Variants in PNCK observed in about 807,000 individuals in gnomAD.
PNCK encodes the protein calcium/calmodulin-dependent protein kinase type 1B.
PNCK carries 21 observed loss-of-function variants against 28.3 expected under a neutral mutation model. The observed-to-expected ratio is 0.74, with a 90% CI of 0.53 to 1.07. The LOEUF is 1.07. PNCK is among the 50% of genes least tolerant of loss of function. The pLI, the probability that PNCK is intolerant of heterozygous loss-of-function variation, is 0.00. For missense variants in PNCK, 250 were observed against 298.3 expected (o/e 0.84, Z 1.19); for synonymous variants, 136 against 125.2 (o/e 1.09, Z -0.58).
At chrX:153,685,188 A>C (rs1557042989) in intron 1 of PNCK, among the ~76,000 whole-genome samples, 1 of 105,383 alleles carries the variant, frequency 9.5e-6, no homozygotes, top group Non-Finnish European at 2.0e-5. Context: ...TGGAGAGCCC[A>C]CCCTGCCCCT....
rs782418877 is a variant in PNCK, at chrX:153,673,121, C to G, written c.-2-43G>C. On this transcript the variant is annotated intron_variant, in intron 1 of 11. Transcript: ENST00000340888. ...AGGTGATGGGGGTCTCTCCCCGCCCCGCCGGGGGCAAGGGCAGCTTCCTCC... is the reference window on the plus strand; with the variant it reads ...AGGTGATGGGGGTCTCTCCCCGCCCGGCCGGGGGCAAGGGCAGCTTCCTCC... The G allele has an allele frequency of 1.2e-5, 14 of 1,167,339 alleles. No homozygotes were observed. In the African/African-American group the frequency reaches 2.3e-4, roughly 19 times the overall value.
upstream of PNCK, chrX:153,674,722 G>A (rs1282966884): frequency 1.8e-5 from 2 of 111,638 alleles, no homozygotes; most frequent in African/African-American, 6.5e-5. Flanking sequence ...AAATAAGTGC[G>A]GGTGACCGAA....
At chrX:153,686,092 GC>G (rs1191157616) in intron 1 of PNCK, among the ~76,000 whole-genome samples, 1 of 111,905 alleles carries the variant, frequency 8.9e-6, no homozygotes, top group Non-Finnish European at 1.9e-5. Context: ...ATTCTGGACA[GC>G]CCCCCACCCT....
chrX:153,673,124 C>T (rs1557040723), intron 1 of PNCK, 46 bp from the exon 2 acceptor site: 3 of 1,176,287 alleles, frequency 2.6e-6, no homozygotes, highest in South Asian at 1.9e-5. Context: ...CCCGCCCCGC[C>T]GGGGGCAAGG....
intron 6 of PNCK, 58 bp from the exon 7 acceptor site, chrX:153,671,418 G>C: frequency 1.7e-6 from 2 of 1,212,026 alleles, no homozygotes; most frequent in Non-Finnish European, 2.2e-6. Flanking sequence ...ATGCCGCTCA[G>C]TGTCACTGGC....
At chrX:153,671,779 A>C in intron 5 of PNCK, 101 bp downstream of exon 5, 44 of 1,168,890 alleles carry the variant, frequency 3.8e-5, no homozygotes, top group Non-Finnish European at 4.9e-5. Context: ...GCCTTGGTGG[A>C]GCAGGAGATC....
intron 1 of PNCK, among the ~76,000 whole-genome samples, chrX:153,683,585 G>T (rs1453512085): frequency 9.0e-6 from 1 of 111,058 alleles, no homozygotes; most frequent in African/African-American, 3.3e-5. Context: ...TAGAGACAGG[G>T]GTTTCACCAT....
chrX:153,673,036 ACG>A lies in PNCK; in HGVS notation c.39_40del (p.Val14LeufsTer53). The A allele has an allele frequency of 8.3e-7, 1 of 1,198,126 alleles. No homozygotes were observed. The highest frequency in any genetic ancestry group is 1.1e-6 in the Non-Finnish European group (1 of 887,170). On this transcript the variant is annotated frameshift_variant, in exon 2 of 12. Coordinates refer to ENST00000340888, the MANE Select transcript of PNCK (RefSeq NM_001366977.1). LOFTEE classifies it high-confidence loss of function. The stretch of plus-strand genomic sequence containing the variant: ...GCCGAGCCTCTCGCGGATCTCGTAG[ACG>A]CTGCTGATGTCCTCCGTGTGTTTCT...
intron 1 of PNCK, chrX:153,673,420 A>C (rs146747651): frequency 3.2e-6 from 2 of 625,978 alleles, no homozygotes; most frequent in Non-Finnish European, 4.6e-6. Flanking sequence ...CCACACATCT[A>C]CAGCGCCCAA....
At chrX:153,680,290 G>A (rs782172162) in intron 1 of PNCK, among the ~76,000 whole-genome samples, 13 of 105,830 alleles carry the variant, frequency 1.2e-4, no homozygotes, top group Non-Finnish European at 2.3e-4. Context: ...GCGTGGTGCC[G>A]TCCTCACAAT....
upstream of PNCK, among the ~76,000 whole-genome samples, chrX:153,676,550 A>T (rs2091367055): frequency 8.9e-6 from 1 of 111,868 alleles, no homozygotes; most frequent in Non-Finnish European, 1.9e-5. Flanking sequence ...GCAGAAAGTT[A>T]AAAAATGGCC....
upstream of PNCK, chrX:153,675,161 T>G (rs953307924): frequency 1.8e-5 from 2 of 112,530 alleles, no homozygotes; most frequent in African/African-American, 6.5e-5. Context: ...GAAGTGCAAT[T>G]TGTTTACAGA....
At position 153,671,570 on chromosome X, in the gene PNCK, A is replaced by G. The variant is rs2148335540; in HGVS notation, c.517T>C (p.Cys173Arg). 8 of 1,211,964 alleles carry G rather than the reference A, an allele frequency of 6.6e-6. No individual in the cohort carries two copies. Among genetic ancestry groups the G allele is most frequent in the Non-Finnish European group, 8.9e-6 (8 of 895,507 alleles). ...TCACCCACATATCCAGGGGTCCCACAGGCGGTGCCTAGCATGTTCCCAGCC... is the reference window on the plus strand; with the variant it reads ...TCACCCACATATCCAGGGGTCCCACGGGCGGTGCCTAGCATGTTCCCAGCC... ...IQAGNMLGTA[C>R]GTPGYVAPEL... The change falls in exon 6 of 12, where the codon TGT becomes CGT. Residue 173 changes from cysteine (C) to arginine (R), a missense_variant. Cys to Arg is a radical substitution (Grantham distance 180). Coordinates refer to ENST00000340888, the MANE Select transcript of PNCK (RefSeq NM_001366977.1).
In PNCK at chrX:153,671,340, T is replaced by C; in HGVS notation, c.559A>G (p.Lys187Glu). The change falls in exon 7 of 12, where the codon AAA becomes GAA. Residue 187 changes from lysine to glutamate, a missense_variant. Lys to Glu is a moderately conservative substitution (Grantham distance 56). Coordinates refer to ENST00000340888, the MANE Select transcript of PNCK (RefSeq NM_001366977.1). ...GYVAPELLEQKPYGKAVDVWA... is the reference protein window; with the variant it reads ...GYVAPELLEQEPYGKAVDVWA... ...ACATCTACGGCCTTCCCGTAGGGTTTCTGCTCCAAGAGCTCTGGGGCTGGG... is the reference window on the plus strand; with the variant it reads ...ACATCTACGGCCTTCCCGTAGGGTTCCTGCTCCAAGAGCTCTGGGGCTGGG... The C allele has an allele frequency of 8.3e-7, 1 of 1,211,909 alleles. No homozygotes were observed. Among genetic ancestry groups the C allele is most frequent in the Non-Finnish European group, 1.1e-6 (1 of 895,478 alleles).
chrX:153,671,559 AGG>A lies in PNCK; in HGVS notation c.526_527del (p.Pro176TrpfsTer43), dbSNP rs781811633. ...GGTGTCGTCCCTCACCCACATATCC[AGG>A]GGTCCCACAGGCGGTGCCTAGCATG... Reference protein sequence around the residue: ...GNMLGTACGTPGYVAPELLEQ... With the variant: ...GNMLGTACGTXGYVAPELLEQ... On this transcript the variant is annotated frameshift_variant, in exon 6 of 12. Coordinates refer to ENST00000340888, the MANE Select transcript of PNCK (RefSeq NM_001366977.1). LOFTEE classifies it high-confidence loss of function. 8.3e-7 allele frequency: 1 copy of A among 1,211,777 alleles called. No individual in the cohort carries two copies. The highest frequency in any genetic ancestry group is 2.2e-5 in the Admixed American group (1 of 46,077).
At chrX:153,681,887 G>A (rs188231595) in intron 1 of PNCK, among the ~76,000 whole-genome samples, 3 of 111,703 alleles carry the variant, frequency 2.7e-5, no homozygotes, top group Admixed American at 9.5e-5. Flanking sequence ...TACCTATTGG[G>A]TACAACGTTC....
chrX:153,680,857 G>C (rs1204656793), intron 1 of PNCK, among the ~76,000 whole-genome samples: 3 of 109,690 alleles, frequency 2.7e-5, no homozygotes, highest in Non-Finnish European at 3.8e-5. Context: ...TGGTGAAACT[G>C]TCTCTACCAA....
intron 1 of PNCK, among the ~76,000 whole-genome samples, chrX:153,685,928 C>T (rs1366304036): frequency 8.9e-6 from 1 of 112,279 alleles, no homozygotes; most frequent in African/African-American, 3.2e-5. Context: ...GCTGGGCTGG[C>T]AAAGGGCGGG....
At chrX:153,683,920 A>G (rs2091405955) in intron 1 of PNCK, among the ~76,000 whole-genome samples, 1 of 111,972 alleles carries the variant, frequency 8.9e-6, no homozygotes, top group Admixed American at 9.5e-5. Flanking sequence ...TAGGTTCTAC[A>G]ATAGTGACAT....
Sources: gnomAD v4.1 joint callset for allele counts (sites outside exome capture counted in the v4.1 genomes callset) on GRCh38, gnomAD v4.1.1 for gene constraint, MANE v1.5 for transcripts, NCBI Gene and HGNC (gene_info 2026-07-23, HGNC 2026-07-21) for gene names.